Variants in MTUS1 observed in about 807,000 individuals in gnomAD.
The protein encoded by MTUS1 is microtubule associated scaffold protein 1.
A neutral mutation model predicts 120.8 loss-of-function variants in MTUS1; 109 were observed. That is an observed-to-expected ratio of 0.90 (90% CI 0.77 to 1.06). The LOEUF (loss-of-function observed/expected upper bound fraction) is 1.06. Among genes scored for constraint, MTUS1 ranks in the 50% least tolerant of loss-of-function variants. MTUS1 has a pLI of 0.00. For missense variants in MTUS1, 2,210 were observed against 1,486.3 expected, an observed-to-expected ratio of 1.49 and a Z score of -8.01; for synonymous variants, 737 against 550.5, an observed-to-expected ratio of 1.34 and a Z score of -4.74.
At chr8:17,756,178 A>G (rs917293870) in intron 1 of MTUS1, among the ~76,000 whole-genome samples, 1 of 152,196 alleles carries the variant, frequency 6.6e-6, no homozygotes, top group African/African-American at 2.4e-5. Flanking sequence ...GCAAAATGGA[A>G]GATGGGGTCA....
chr8:17,729,461 C>T (rs1365487977), intron 3 of MTUS1, among the ~76,000 whole-genome samples: 2 of 151,084 alleles, frequency 1.3e-5, no homozygotes, highest in African/African-American at 2.4e-5. Flanking sequence ...TTCCTATGTG[C>T]CAGGAAAAAA....
At chr8:17,688,686 A>G (rs896770389) in intron 6 of MTUS1, among the ~76,000 whole-genome samples, 7 of 152,190 alleles carry the variant, frequency 4.6e-5, no homozygotes, top group Non-Finnish European at 8.8e-5. Flanking sequence ...TGCCTATGCA[A>G]TCTTACATAC....
chr8:17,732,931 A>G (rs532574424), intron 3 of MTUS1, among the ~76,000 whole-genome samples: 1 of 152,278 alleles, frequency 6.6e-6, no homozygotes, highest in Non-Finnish European at 1.5e-5. Context: ...GACCCCCGCA[A>G]GCTGATCTCC....
rs1298490766 is a variant in MTUS1 at position 17,724,042 on chromosome 8, G to A, written c.2288-209C>T. On this transcript the variant is annotated intron_variant, in intron 3 of 14. Transcript: ENST00000693296. ...TTAGAGGCAAGAGAGCAGAAATGAT[G>A]AGGCAATTAGGATATGAGAAGTGTA... 2 of 569,128 alleles carry A rather than the reference G, an allele frequency of 3.5e-6. 1 individual carries two copies. The highest frequency in any genetic ancestry group is 6.3e-6 in the Non-Finnish European group (2 of 319,698). The allele number at this position is 569,128 out of a possible 1,614,324, so 35.3% of individuals were successfully genotyped here.
intron 6 of MTUS1, among the ~76,000 whole-genome samples, chr8:17,688,544 G>A (rs953978632): frequency 7.9e-5 from 12 of 152,156 alleles, no homozygotes; most frequent in South Asian, 4.1e-4. Context: ...CTCTGCTAGC[G>A]GCATGGACAG....
intron 1 of MTUS1, among the ~76,000 whole-genome samples, chr8:17,769,271 C>T (rs1173747418): frequency 7.2e-6 from 1 of 138,684 alleles, no homozygotes; most frequent in Non-Finnish European, 1.5e-5. Context: ...CTTCCTAAAA[C>T]CTCCAAACCA....
intron 8 of MTUS1, among the ~76,000 whole-genome samples, chr8:17,671,912 T>C (rs374796516): frequency 2.0e-5 from 3 of 152,278 alleles, no homozygotes; most frequent in African/African-American, 7.2e-5. Flanking sequence ...ACCACTGCTT[T>C]ATATGCATTA....
chr8:17,759,822 G>T (rs564060578), intron 1 of MTUS1, among the ~76,000 whole-genome samples: 1 of 151,478 alleles, frequency 6.6e-6, no homozygotes, highest in Non-Finnish European at 1.5e-5. Context: ...ACAAGCTAGT[G>T]GTTTACAAGA....
At chr8:17,727,430 G>C (rs893637705) in intron 3 of MTUS1, among the ~76,000 whole-genome samples, 1 of 152,188 alleles carries the variant, frequency 6.6e-6, no homozygotes, top group Admixed American at 6.5e-5. Context: ...GAGGCTTGGA[G>C]GCAGACAGAG....
intron 1 of MTUS1, among the ~76,000 whole-genome samples, chr8:17,785,376 G>C (rs1284178458): frequency 6.6e-6 from 1 of 152,206 alleles, no homozygotes; most frequent in Non-Finnish European, 1.5e-5. Context: ...AGCTTGAGCT[G>C]AGACTAAGGC....
intron 2 of MTUS1, among the ~76,000 whole-genome samples, chr8:17,751,090 G>A (rs1258774171): frequency 2.0e-5 from 3 of 152,136 alleles, no homozygotes; most frequent in Non-Finnish European, 4.4e-5. Context: ...GCCAATGTGG[G>A]CGGATCACTT....
In MTUS1 at chr8:17,648,819, G is replaced by A. The variant is rs6995239; in HGVS notation, c.3501+1027C>T. On this transcript the variant is annotated intron_variant, in intron 13 of 14. Transcript: ENST00000693296. ...AGCCTGAGTCACTCATCACTGTGGG[G>A]AGAAGAGGCCAGTAGCATGCGGCAG... Among the ~76,000 whole-genome samples the A allele has an allele frequency of 6.5e-3, 984 of 152,318 alleles. 11 individuals carry two copies. The highest frequency in any genetic ancestry group is 0.022 in the African/African-American group (928 of 41,566).
At chr8:17,698,375 A>G (rs1405147474) in intron 6 of MTUS1, among the ~76,000 whole-genome samples, 1 of 77,492 alleles carries the variant, frequency 1.3e-5, no homozygotes, top group Non-Finnish European at 2.8e-5. Flanking sequence ...GTATGTTAAA[A>G]CATGATAGCA....
intron 1 of MTUS1, among the ~76,000 whole-genome samples, chr8:17,782,447 T>C: frequency 6.6e-6 from 1 of 152,308 alleles, no homozygotes; most frequent in East Asian, 1.9e-4. Flanking sequence ...AACAAGACTA[T>C]AATAACTTGA....
chr8:17,780,862 TAGC>T (rs1586369091), intron 1 of MTUS1: 1 of 152,282 alleles, frequency 6.6e-6, no homozygotes, highest in East Asian at 1.9e-4. Context: ...AGACAATAAT[TAGC>T]AACAGACTAA....
intron 1 of MTUS1, among the ~76,000 whole-genome samples, chr8:17,787,403 AAC>A (rs763790806): frequency 7.9e-4 from 121 of 152,316 alleles, no homozygotes; most frequent in Non-Finnish European, 1.5e-3. Flanking sequence ...CCTTGCTCAA[AAC>A]ACAGAGTTAA....
rs1047756135 is a variant in MTUS1, at chr8:17,653,418, C to G, written c.3288+7G>C. ...TGGGGGATACTGGGATATTGACATTCACCCACCTCTAGCGATTCCTGCTTC... is the reference window on the plus strand; with the variant it reads ...TGGGGGATACTGGGATATTGACATTGACCCACCTCTAGCGATTCCTGCTTC... On this transcript the variant is annotated splice_region_variant and intron_variant, in intron 11 of 14. Transcript: ENST00000693296. 2 of 1,598,632 alleles carry G rather than the reference C, an allele frequency of 1.3e-6. No individual in the cohort carries two copies. Among genetic ancestry groups the G allele is most frequent in the Non-Finnish European group, 1.7e-6 (2 of 1,171,236 alleles).
chr8:17,713,744 A>G (rs1190578198), intron 5 of MTUS1, among the ~76,000 whole-genome samples: 1 of 152,234 alleles, frequency 6.6e-6, no homozygotes, highest in Non-Finnish European at 1.5e-5. Context: ...ATAGGTACAC[A>G]GCTGTAAGTC....
rs1202386498 is a variant in MTUS1 at position 17,779,784 on chromosome 8, GA to G, written c.-155+21276del. Reference sequence around the variant, plus strand: ...TTCTTTGATCAACATCCAAGTGTTGGAGGGGGGGCGGGGGCAGCCCCTTATT... The same window carrying G: ...TTCTTTGATCAACATCCAAGTGTTGGGGGGGGGCGGGGGCAGCCCCTTATT... On this transcript the variant is annotated intron_variant, in intron 1 of 14. Transcript: ENST00000693296. 3.3e-5 allele frequency among the ~76,000 whole-genome samples: 5 copies of G among 152,322 alleles called. 1 individual carries two copies. Among genetic ancestry groups the G allele is most frequent in the African/African-American group, 9.6e-5 (4 of 41,576 alleles).
Sources: gnomAD v4.1 joint callset for allele counts (sites outside exome capture counted in the v4.1 genomes callset) on GRCh38, gnomAD v4.1.1 for gene constraint, MANE v1.5 for transcripts, NCBI Gene and HGNC (gene_info 2026-07-23, HGNC 2026-07-21) for gene names.